SRGAP1: variants seen among roughly 807,000 people sequenced by gnomAD.
SRGAP1 encodes the protein SLIT-ROBO Rho GTPase-activating protein 1.
Under a neutral mutation model 121.9 loss-of-function variants are expected in SRGAP1, and 43 were observed. The ratio of observed to expected loss-of-function variants is 0.35; its 90% CI spans 0.28 to 0.46. The LOEUF (loss-of-function observed/expected upper bound fraction) is 0.46, where lower values mean the gene tolerates loss of function less well. Ranked by LOEUF, SRGAP1 falls within the 20% of genes least tolerant of loss-of-function variation. The probability of loss-of-function intolerance (pLI) is 1.00; values close to 1 mark genes in which losing one functional copy is unlikely to be tolerated. For missense variants in SRGAP1, 1,102 were observed against 1,350.9 expected (o/e 0.82, Z 2.89); for synonymous variants, 447 against 485.4 (o/e 0.92, Z 1.04).
chr12:63,884,611 G>T (rs1281043965), intron 1 of SRGAP1, among the ~76,000 whole-genome samples: 1 of 151,930 alleles, frequency 6.6e-6, no homozygotes, highest in Non-Finnish European at 1.5e-5. Context: ...TAATCACCCT[G>T]CTGTGCAGTA....
At chr12:63,904,761 A>G (rs1389211882) in intron 1 of SRGAP1, among the ~76,000 whole-genome samples, 1 of 152,084 alleles carries the variant, frequency 6.6e-6, no homozygotes, top group East Asian at 1.9e-4. Context: ...GGAGACCCCC[A>G]TCTCTACAAA....
chr12:64,115,193 A>G (rs562374399), intron 17 of SRGAP1, among the ~76,000 whole-genome samples: 1 of 152,366 alleles, frequency 6.6e-6, no homozygotes, highest in African/African-American at 2.4e-5. Flanking sequence ...TGGTCTATCC[A>G]TAGGGCAATA....
rs118026290 is a variant in SRGAP1 at position 64,135,553 on chromosome 12, A to G, written c.2881-6742A>G. On this transcript the variant is annotated intron_variant, in intron 21 of 21. Transcript: ENST00000355086. ...ACATAATACTCCATACAAATGTATT[A>G]TGTACGGAGTCACTAAACTCCTTGC... is the stretch of plus-strand genomic sequence containing the variant. Among the ~76,000 whole-genome samples the G allele has an allele frequency of 5.7e-3, 861 of 152,312 alleles. 8 individuals carry two copies. Among genetic ancestry groups the G allele is most frequent in the Non-Finnish European group, 0.01 (699 of 68,022 alleles).
chr12:63,865,113 A>G (rs529428472), intron 1 of SRGAP1, among the ~76,000 whole-genome samples: 1 of 152,248 alleles, frequency 6.6e-6, no homozygotes, highest in South Asian at 2.1e-4. Context: ...TCAAAATAGG[A>G]AGCATTATAA....
chr12:63,891,277 A>C lies in SRGAP1; in HGVS notation c.67+46394A>C, dbSNP rs920045371. Among the ~76,000 whole-genome samples, 4 of 152,198 alleles carry C rather than the reference A, an allele frequency of 2.6e-5. No individual in the cohort carries two copies. In the East Asian group the frequency reaches 7.7e-4, roughly 29 times the overall value. On this transcript the variant is annotated intron_variant, in intron 1 of 21. Transcript: ENST00000355086. ...TGCTGACATGGAGCAGTGCTCTGTTACTGTCACTGCCTGTCCTACGGGTGT... is the reference window on the plus strand; with the variant it reads ...TGCTGACATGGAGCAGTGCTCTGTTCCTGTCACTGCCTGTCCTACGGGTGT...
rs544659930 is a variant in SRGAP1, at chr12:64,039,594, A to T, written c.490-3196A>T. 4.5e-5 allele frequency among the ~76,000 whole-genome samples: 6 copies of T among 133,942 alleles called. No individual in the cohort carries two copies. In the East Asian group the frequency reaches 1.3e-3, roughly 29 times the overall value. The allele number at this position is 133,942 out of a possible 152,430, so 87.9% of individuals were successfully genotyped here. On this transcript the variant is annotated intron_variant, in intron 4 of 21. Coordinates refer to ENST00000355086, the MANE Select transcript of SRGAP1 (RefSeq NM_020762.4). ...GAGAGTCACATGTTCTCATTTCCTC[A>T]CTCCTATTAGCAAGAATACAGACAG... is the stretch of plus-strand genomic sequence containing the variant.
intron 18 of SRGAP1, among the ~76,000 whole-genome samples, chr12:64,121,519 T>C (rs1283115689): frequency 6.6e-6 from 1 of 152,148 alleles, no homozygotes; most frequent in Non-Finnish European, 1.5e-5. Flanking sequence ...CCTCCCAAAA[T>C]GCTGGGATTG....
rs538313750 is a variant in SRGAP1, at chr12:64,091,444, G to GTTC, written c.1539+67_1539+68insTCT. The GTTC allele has an allele frequency of 2.3e-4, 268 of 1,164,256 alleles. 1 individual carries two copies. The African/African-American group carries it at 3.7e-3, about 16-fold the overall frequency. 72.1% of individuals were successfully genotyped at this position (1,164,256 alleles called of 1,614,324 possible). Reference sequence around the variant, plus strand: ...CTTACTATAATGGTCTCAGCCTCTTGTAAGAGGAGGAAGGTCATTATGTCC... The same window carrying GTTC: ...CTTACTATAATGGTCTCAGCCTCTTGTTCTAAGAGGAGGAAGGTCATTATGTCC... On this transcript the variant is annotated intron_variant, in intron 12 of 21. Coordinates refer to ENST00000355086, the MANE Select transcript of SRGAP1 (RefSeq NM_020762.4).
chr12:64,130,109 A>C (rs1200051741), intron 21 of SRGAP1, among the ~76,000 whole-genome samples: 1 of 152,208 alleles, frequency 6.6e-6, no homozygotes, highest in Non-Finnish European at 1.5e-5. Flanking sequence ...CCTTAATCAC[A>C]GAGCGTGGTA....
chr12:63,984,039 C>A lies in SRGAP1; in HGVS notation c.160C>A (p.Arg54=). Reference sequence around the variant, plus strand: ...TCTCCAGGATCTGCAAGATTTCTTCCGAAAAAAAGCTGAAATTGAGACGGA... The same window carrying A: ...TCTCCAGGATCTGCAAGATTTCTTCAGAAAAAAAGCTGAAATTGAGACGGA... ...QLLQDLQDFF[R]KKAEIETEYS... Residue 54 remains arginine, a synonymous_variant, in exon 2 of 22, where the codon CGA becomes AGA. Transcript: ENST00000355086. 2 of 1,561,264 alleles carry A rather than the reference C, an allele frequency of 1.3e-6. No homozygotes were observed. The highest frequency in any genetic ancestry group is 1.7e-6 in the Non-Finnish European group (2 of 1,147,960).
chr12:63,892,955 G>A (rs1484053858), intron 1 of SRGAP1, among the ~76,000 whole-genome samples: 2 of 152,106 alleles, frequency 1.3e-5, no homozygotes, highest in Non-Finnish European at 2.9e-5. Flanking sequence ...TGTTTGCTAT[G>A]CCCTTGATTG....
chr12:64,017,038 C>G (rs1332356747), intron 4 of SRGAP1, 26 bp downstream of exon 4: 1 of 1,342,072 alleles, frequency 7.5e-7, no homozygotes, highest in Admixed American at 1.9e-5. Context: ...TTCTTCTTTT[C>G]TAGAATCCTT....
intron 1 of SRGAP1, among the ~76,000 whole-genome samples, chr12:63,906,229 GCT>G (rs1274595756): frequency 6.6e-6 from 1 of 152,042 alleles, no homozygotes; most frequent in Non-Finnish European, 1.5e-5. Context: ...TCTTTTAATT[GCT>G]GATTAGTATC....
chr12:64,068,878 C>T (rs938368537), intron 8 of SRGAP1, among the ~76,000 whole-genome samples: 137 of 151,524 alleles, frequency 9.0e-4, no homozygotes, highest in African/African-American at 3.2e-3. Context: ...GGCATGATGG[C>T]GCATGCCTGT....
chr12:63,961,226 G>A (rs904077348), intron 1 of SRGAP1, among the ~76,000 whole-genome samples: 1 of 152,214 alleles, frequency 6.6e-6, no homozygotes, highest in African/African-American at 2.4e-5. Context: ...AGAGCCTACT[G>A]TACTGTGTAG....
intron 1 of SRGAP1, chr12:63,878,904 G>A (rs750068640): frequency 1.3e-5 from 2 of 152,204 alleles, no homozygotes; most frequent in Non-Finnish European, 2.9e-5. Flanking sequence ...CAACCTCAGT[G>A]CCTGAAACAG....
chr12:63,997,706 G>A (rs1299638835), intron 3 of SRGAP1, among the ~76,000 whole-genome samples: 2 of 152,090 alleles, frequency 1.3e-5, no homozygotes, highest in Non-Finnish European at 2.9e-5. Flanking sequence ...TTGCTGTAAA[G>A]GAGTGGGAAA....
At chr12:64,028,577 C>G (rs1171600540) in intron 4 of SRGAP1, among the ~76,000 whole-genome samples, 2 of 152,212 alleles carry the variant, frequency 1.3e-5, no homozygotes, top group East Asian at 3.9e-4. Flanking sequence ...AGTTCTAGAG[C>G]TGGGACATCC....
At chr12:63,858,644 C>T (rs1899337133) in intron 1 of SRGAP1, among the ~76,000 whole-genome samples, 1 of 152,138 alleles carries the variant, frequency 6.6e-6, no homozygotes, top group South Asian at 2.1e-4. Flanking sequence ...AGTAGTTAAT[C>T]ATTTTATTAG....
Sources: gnomAD v4.1 joint callset for allele counts (sites outside exome capture counted in the v4.1 genomes callset) on GRCh38, gnomAD v4.1.1 for gene constraint, MANE v1.5 for transcripts, NCBI Gene and HGNC (gene_info 2026-07-23, HGNC 2026-07-21) for gene names.